FSTL5: variants seen among roughly 807,000 people sequenced by gnomAD.
FSTL5 encodes the protein follistatin like 5, also known as follistatin-related protein 5.
FSTL5 carries 62 observed loss-of-function variants against 89.1 expected under a neutral mutation model. That is an observed-to-expected ratio of 0.70 (90% confidence interval 0.57 to 0.86). The LOEUF (loss-of-function observed/expected upper bound fraction) is 0.86. Ranked by LOEUF, FSTL5 falls within the 40% of genes least tolerant of loss-of-function variation. The probability of loss-of-function intolerance (pLI) is 0.00; values close to 1 mark genes in which losing one functional copy is unlikely to be tolerated. For missense variants in FSTL5, 1,057 were observed against 1,001.6 expected, an observed-to-expected ratio of 1.06 and a Z score of -0.75; for synonymous variants, 383 against 346.2, an observed-to-expected ratio of 1.11 and a Z score of -1.18.
At chr4:161,744,431 A>T (rs773067687) in intron 6 of FSTL5, among the ~76,000 whole-genome samples, 3 of 152,172 alleles carry the variant, frequency 2.0e-5, no homozygotes, top group Non-Finnish European at 2.9e-5. Context: ...GCTTAGCACC[A>T]ATAGTGGTAT....
At chr4:162,122,120 T>C (rs1306805613) in intron 1 of FSTL5, among the ~76,000 whole-genome samples, 1 of 152,068 alleles carries the variant, frequency 6.6e-6, no homozygotes, top group Non-Finnish European at 1.5e-5. Context: ...AATTTTATAC[T>C]GTGCACGGGG....
intron 3 of FSTL5, among the ~76,000 whole-genome samples, chr4:162,025,535 T>C (rs1424406468): frequency 6.6e-6 from 1 of 152,100 alleles, no homozygotes; most frequent in Non-Finnish European, 1.5e-5. Flanking sequence ...GTAGAAATTT[T>C]TCAATAGCAC....
At chr4:161,577,203 A>G (rs1733247601) in intron 8 of FSTL5, among the ~76,000 whole-genome samples, 1 of 152,148 alleles carries the variant, frequency 6.6e-6, no homozygotes, top group Non-Finnish European at 1.5e-5. Flanking sequence ...TATTGTATGT[A>G]GGGCTGATGC....
intron 1 of FSTL5, among the ~76,000 whole-genome samples, chr4:162,159,019 G>C (rs539646098): frequency 4.6e-5 from 7 of 152,130 alleles, no homozygotes; most frequent in African/African-American, 1.7e-4. Context: ...ATTGACAGTA[G>C]AGTCACAGCA....
At chr4:162,022,975 AC>A (rs1337637002) in intron 3 of FSTL5, 1 of 152,190 alleles carries the variant, frequency 6.6e-6, no homozygotes, top group Admixed American at 6.6e-5. Flanking sequence ...GTTAATGGGC[AC>A]AATTTACATT....
At chr4:161,977,392 C>A (rs1373661498) in intron 3 of FSTL5, among the ~76,000 whole-genome samples, 1 of 151,724 alleles carries the variant, frequency 6.6e-6, no homozygotes. Flanking sequence ...GCAGGCGGGT[C>A]ATGAGGTTAG....
chr4:161,768,477 T>C (rs1270998408), intron 5 of FSTL5, among the ~76,000 whole-genome samples: 1 of 151,972 alleles, frequency 6.6e-6, no homozygotes, highest in East Asian at 1.9e-4. Flanking sequence ...GAGACAGACT[T>C]ATCCATTATA....
intron 3 of FSTL5, among the ~76,000 whole-genome samples, chr4:162,026,304 C>CTTTTTTTTTTTTCTTTTTTTTTTTTTTT (rs1737283825): frequency 1.3e-5 from 1 of 79,472 alleles, no homozygotes; most frequent in Non-Finnish European, 2.2e-5. Flanking sequence ...TATGTATTTT[C>CTTTTTTTTTTTTCTTTTTTTTTTTTTTT]TTTTTTTTTT....
chr4:161,458,031 T>C (rs1733424314), intron 14 of FSTL5, among the ~76,000 whole-genome samples: 1 of 152,172 alleles, frequency 6.6e-6, no homozygotes. Context: ...CATAAGACCA[T>C]TATGCTGTGA....
At chr4:161,711,855 T>G (rs1180643442) in intron 6 of FSTL5, among the ~76,000 whole-genome samples, 1 of 152,136 alleles carries the variant, frequency 6.6e-6, no homozygotes, top group African/African-American at 2.4e-5. Flanking sequence ...GTGTATCATA[T>G]CAATAGAACG....
At chr4:162,134,668 A>C (rs1386355668) in intron 1 of FSTL5, among the ~76,000 whole-genome samples, 2 of 152,194 alleles carry the variant, frequency 1.3e-5, no homozygotes, top group Non-Finnish European at 2.9e-5. Flanking sequence ...TGCTAGAGGG[A>C]AGAGAGAACA....
At chr4:161,973,273 A>G (rs1735537192) in intron 3 of FSTL5, among the ~76,000 whole-genome samples, 1 of 152,230 alleles carries the variant, frequency 6.6e-6, no homozygotes, top group African/African-American at 2.4e-5. Flanking sequence ...TTTAAATAGC[A>G]TCAAATGAAG....
At chr4:161,879,205 A>T (rs570166819) in intron 4 of FSTL5, among the ~76,000 whole-genome samples, 5 of 152,170 alleles carry the variant, frequency 3.3e-5, no homozygotes, top group Admixed American at 3.3e-4. Flanking sequence ...ATCCTGTTGG[A>T]TTTACTTTCA....
intron 7 of FSTL5, among the ~76,000 whole-genome samples, chr4:161,596,140 G>A (rs1056395455): frequency 3.3e-5 from 5 of 151,802 alleles, no homozygotes; most frequent in Non-Finnish European, 4.4e-5. Context: ...CAGTAGACAA[G>A]ATTTTCTAGA....
chr4:161,577,594 T>C (rs980590315), intron 8 of FSTL5, among the ~76,000 whole-genome samples: 4 of 151,436 alleles, frequency 2.6e-5, no homozygotes, highest in South Asian at 4.2e-4. Flanking sequence ...GAACTAAGGA[T>C]ACGAGAAGTT....
intron 4 of FSTL5, among the ~76,000 whole-genome samples, chr4:161,857,822 A>C (rs1376372731): frequency 6.6e-6 from 1 of 151,650 alleles, no homozygotes; most frequent in Non-Finnish European, 1.5e-5. Flanking sequence ...CCAGTCCTTG[A>C]TTTGGGGGTT....
intron 1 of FSTL5, among the ~76,000 whole-genome samples, chr4:162,144,498 T>TCA (rs1732892591): frequency 6.6e-6 from 1 of 152,142 alleles, no homozygotes; most frequent in Non-Finnish European, 1.5e-5. Context: ...ATGCATGCAA[T>TCA]CACTCAAATA....
At chr4:161,561,533 G>A (rs1210967009) in intron 8 of FSTL5, among the ~76,000 whole-genome samples, 2 of 151,888 alleles carry the variant, frequency 1.3e-5, no homozygotes, top group Non-Finnish European at 2.9e-5. Context: ...TAAGATAGTG[G>A]TGAGGATTGT....
intron 3 of FSTL5, among the ~76,000 whole-genome samples, chr4:161,970,243 G>A (rs975638010): frequency 6.6e-6 from 1 of 152,036 alleles, no homozygotes; most frequent in Admixed American, 6.6e-5. Flanking sequence ...GGTAGAGACA[G>A]ATTTTAAAAC....
Sources: gnomAD v4.1 joint callset for allele counts (sites outside exome capture counted in the v4.1 genomes callset) on GRCh38, gnomAD v4.1.1 for gene constraint, MANE v1.5 for transcripts, NCBI Gene and HGNC (gene_info 2026-07-23, HGNC 2026-07-21) for gene names.